CHLSN: variants seen among roughly 807,000 people sequenced by gnomAD.
CHLSN encodes the protein protein cholesin.
the CHLSN span, among the ~76,000 whole-genome samples, chr7:1,006,670 C>T: frequency 6.7e-6 from 1 of 149,850 alleles, no homozygotes; most frequent in African/African-American, 2.5e-5. Context: ...GGCCACAGCG[C>T]GGGGAAAGAG....
the CHLSN span, chr7:1,092,825 A>C: frequency 2.5e-6 from 4 of 1,613,108 alleles, no homozygotes; most frequent in African/African-American, 4.0e-5. Flanking sequence ...AGCACCGAGC[A>C]GTCGGATGTG....
chr7:984,508 G>T, the CHLSN span: 1 of 1,552,424 alleles, frequency 6.4e-7, no homozygotes, highest in South Asian at 1.2e-5. Flanking sequence ...GGCGCTGGCG[G>T]GCCCCGGGCA....
At chr7:1,049,167 G>A in the CHLSN span, among the ~76,000 whole-genome samples, 2 of 152,216 alleles carry the variant, frequency 1.3e-5, no homozygotes, top group Non-Finnish European at 2.9e-5. Context: ...GGGTGTGACG[G>A]GGCCCATGTT....
At chr7:1,012,018 A>G in the CHLSN span, among the ~76,000 whole-genome samples, 1 of 152,170 alleles carries the variant, frequency 6.6e-6, no homozygotes, top group Non-Finnish European at 1.5e-5. Flanking sequence ...ACCGGCTCCA[A>G]CCAGCTCCAT....
chr7:1,102,577 A>T, the CHLSN span, among the ~76,000 whole-genome samples: 454 of 149,256 alleles, frequency 3.0e-3, 7 homozygotes, highest in Admixed American at 0.022. Context: ...TGTTTTTAAA[A>T]TTTTTTTTTT....
the CHLSN span, among the ~76,000 whole-genome samples, chr7:989,857 A>ATCGGCAGTGTGAGTGGCG: frequency 1.0e-5 from 1 of 99,740 alleles, no homozygotes; most frequent in Non-Finnish European, 2.1e-5. Flanking sequence ...TGACAGTGGC[A>ATCGGCAGTGTGAGTGGCG]CGTGTGCTGG....
the CHLSN span, among the ~76,000 whole-genome samples, chr7:1,004,377 A>G: frequency 2.0e-5 from 3 of 152,000 alleles, no homozygotes; most frequent in Admixed American, 6.6e-5. Context: ...TGGAGTGGTG[A>G]CCCCACTTCA....
chr7:1,117,727 G>A, the CHLSN span, among the ~76,000 whole-genome samples: 6 of 145,238 alleles, frequency 4.1e-5, no homozygotes, highest in Non-Finnish European at 7.4e-5. Flanking sequence ...CAACGCCCAC[G>A]CAGGATGATG....
At chr7:1,077,120 C>T in the CHLSN span, among the ~76,000 whole-genome samples, 1 of 152,206 alleles carries the variant, frequency 6.6e-6, no homozygotes, top group Non-Finnish European at 1.5e-5. Context: ...GAGCACTTTT[C>T]CCTGGTATTC....
At chr7:1,124,280 G>T in the CHLSN span, among the ~76,000 whole-genome samples, 3 of 151,950 alleles carry the variant, frequency 2.0e-5, no homozygotes, top group African/African-American at 7.3e-5. Context: ...GAGCTGTCTT[G>T]GGGGTGCTGC....
At chr7:1,098,743 A>C in the CHLSN span, among the ~76,000 whole-genome samples, 128 of 152,316 alleles carry the variant, frequency 8.4e-4, no homozygotes, top group African/African-American at 3.0e-3. Flanking sequence ...CACAATGTCC[A>C]CTGCGTGCGT....
the CHLSN span, among the ~76,000 whole-genome samples, chr7:1,094,616 G>A: frequency 6.6e-6 from 1 of 152,058 alleles, no homozygotes; most frequent in Non-Finnish European, 1.5e-5. Flanking sequence ...CACAACCACA[G>A]TGAGTCCAGG....
At chr7:1,019,180 T>G in the CHLSN span, among the ~76,000 whole-genome samples, 2 of 99,188 alleles carry the variant, frequency 2.0e-5, no homozygotes, top group Non-Finnish European at 3.6e-5. Flanking sequence ...GGCAATAGAG[T>G]GAGACTCTGT....
At chr7:1,134,652 A>C in the CHLSN span, among the ~76,000 whole-genome samples, 2 of 152,046 alleles carry the variant, frequency 1.3e-5, no homozygotes. Context: ...GCAGATCACA[A>C]GGTCAGGAGA....
chr7:1,036,688 C>T, the CHLSN span, among the ~76,000 whole-genome samples: 5 of 149,342 alleles, frequency 3.3e-5, 1 homozygote, highest in South Asian at 1.1e-3. Flanking sequence ...AAAAAAAATC[C>T]GATAGGGGAA....
At chr7:1,017,000 G>GCACACGCC in the CHLSN span, among the ~76,000 whole-genome samples, 2 of 125,258 alleles carry the variant, frequency 1.6e-5, no homozygotes, top group African/African-American at 5.8e-5. Context: ...CAGCGCACAG[G>GCACACGCC]AGCACACAGC....
At chr7:1,042,545 C>T in the CHLSN span, among the ~76,000 whole-genome samples, 1 of 152,230 alleles carries the variant, frequency 6.6e-6, no homozygotes. Flanking sequence ...GTGGTTCCCT[C>T]TGACGATCTC....
At chr7:1,076,704 G>C in the CHLSN span, among the ~76,000 whole-genome samples, 2 of 152,246 alleles carry the variant, frequency 1.3e-5, no homozygotes, top group Non-Finnish European at 2.9e-5. Flanking sequence ...CCACTTGGCA[G>C]GGCTCTCTCC....
the CHLSN span, among the ~76,000 whole-genome samples, chr7:1,083,855 C>T: frequency 6.6e-6 from 1 of 152,310 alleles, no homozygotes; most frequent in East Asian, 1.9e-4. Context: ...ATGCCCTGCC[C>T]CTCACCGCAC....
Sources: gnomAD v4.1 joint callset for allele counts (sites outside exome capture counted in the v4.1 genomes callset) on GRCh38, gnomAD v4.1.1 for gene constraint, MANE v1.5 for transcripts, NCBI Gene and HGNC (gene_info 2026-07-23, HGNC 2026-07-21) for gene names.